GALNTL6: variants seen among roughly 807,000 people sequenced by gnomAD.
GALNTL6 encodes polypeptide N-acetylgalactosaminyltransferase-like 6.
In GALNTL6, 46 loss-of-function variants were observed where a neutral mutation model predicts 73.7. The observed-to-expected ratio is 0.62, with a 90% CI of 0.49 to 0.80. The LOEUF is 0.80. Ranked by LOEUF, GALNTL6 falls within the 30% of genes least tolerant of loss-of-function variation. The pLI is 0.00. For missense variants in GALNTL6, 604 were observed against 755.0 expected (o/e 0.80, Z 2.34); for synonymous variants, 259 against 263.7 (o/e 0.98, Z 0.17).
chr4:171,908,100 C>T lies in GALNTL6; in HGVS notation c.138+93382C>T, dbSNP rs1392515290. Among the ~76,000 whole-genome samples, 6 of 152,272 alleles carry T rather than the reference C, an allele frequency of 3.9e-5. No individual in the cohort carries two copies. The East Asian group carries it at 1.2e-3, about 29-fold the overall frequency. ...ATAGGCATGGGCAAGGACTTCATGT[C>T]TAAAACATCAAAAGCAATGGCAACC... On this transcript the variant is annotated intron_variant, in intron 2 of 12. Coordinates refer to ENST00000506823, the MANE Select transcript of GALNTL6 (RefSeq NM_001034845.3).
At chr4:172,801,455 T>C (rs1044872116) in intron 5 of GALNTL6, among the ~76,000 whole-genome samples, 1 of 152,336 alleles carries the variant, frequency 6.6e-6, no homozygotes. Flanking sequence ...AACTTCTTTA[T>C]GCATGGTGGC....
At chr4:172,080,371 C>T (rs1053099897) in intron 2 of GALNTL6, among the ~76,000 whole-genome samples, 10 of 151,868 alleles carry the variant, frequency 6.6e-5, no homozygotes, top group South Asian at 2.1e-4. Flanking sequence ...TTTGTTGAGA[C>T]GAGGTGTCTG....
At chr4:172,870,127 C>T (rs1744852165) in intron 7 of GALNTL6, among the ~76,000 whole-genome samples, 1 of 152,032 alleles carries the variant, frequency 6.6e-6, no homozygotes, top group South Asian at 2.1e-4. Context: ...TTCCAGTGTA[C>T]CCCTAACTAT....
At chr4:172,216,524 A>G (rs571168574) in intron 2 of GALNTL6, among the ~76,000 whole-genome samples, 31 of 152,142 alleles carry the variant, frequency 2.0e-4, no homozygotes, top group Non-Finnish European at 4.1e-4. Flanking sequence ...TGAATATGAT[A>G]TGCTTAAGTG....
intron 5 of GALNTL6, among the ~76,000 whole-genome samples, chr4:172,573,065 TGTAA>T (rs1736824811): frequency 6.6e-6 from 1 of 152,180 alleles, no homozygotes; most frequent in African/African-American, 2.4e-5. Context: ...TTATAATTAC[TGTAA>T]GTGTTTACCC....
At chr4:172,584,160 A>C (rs1429934534) in intron 5 of GALNTL6, among the ~76,000 whole-genome samples, 1 of 152,124 alleles carries the variant, frequency 6.6e-6, no homozygotes, top group Non-Finnish European at 1.5e-5. Context: ...AGTGCAATAA[A>C]ATGTGAAGGC....
chr4:171,838,979 T>A (rs529306635), intron 2 of GALNTL6, among the ~76,000 whole-genome samples: 1 of 152,272 alleles, frequency 6.6e-6, no homozygotes, highest in East Asian at 1.9e-4. Context: ...GTTTCCCGGT[T>A]TTATACTGAG....
At chr4:172,557,187 G>T (rs1208367693) in intron 5 of GALNTL6, among the ~76,000 whole-genome samples, 1 of 152,138 alleles carries the variant, frequency 6.6e-6, no homozygotes, top group Non-Finnish European at 1.5e-5. Flanking sequence ...TCAAGTTCTG[G>T]TCAAGCAATG....
intron 7 of GALNTL6, among the ~76,000 whole-genome samples, chr4:172,831,157 C>CATAA (rs1742611061): frequency 3.1e-5 from 2 of 63,882 alleles, no homozygotes; most frequent in African/African-American, 1.2e-4. Flanking sequence ...GACTCCCTCT[C>CATAA]AAAAAAAAAA....
intron 8 of GALNTL6, among the ~76,000 whole-genome samples, chr4:172,924,570 A>G (rs1488502338): frequency 1.3e-5 from 2 of 152,244 alleles, no homozygotes; most frequent in Non-Finnish European, 2.9e-5. Flanking sequence ...TGGAAAATAT[A>G]GAGAAGACAA....
chr4:172,549,820 TTCC>T (rs1735892605), intron 5 of GALNTL6, among the ~76,000 whole-genome samples: 2 of 152,196 alleles, frequency 1.3e-5, no homozygotes, highest in Non-Finnish European at 2.9e-5. Context: ...CTTTCTTACC[TTCC>T]ACCCCTAGAC....
chr4:172,546,098 A>G (rs1054248572), intron 5 of GALNTL6, among the ~76,000 whole-genome samples: 9 of 152,204 alleles, frequency 5.9e-5, no homozygotes, highest in Non-Finnish European at 1.2e-4. Flanking sequence ...CCACAACACT[A>G]TGGGGAAAGA....
intron 4 of GALNTL6, among the ~76,000 whole-genome samples, chr4:172,313,396 T>C (rs1240375213): frequency 6.6e-6 from 1 of 152,154 alleles, no homozygotes; most frequent in Non-Finnish European, 1.5e-5. Flanking sequence ...GTGCTGGGAT[T>C]ACAGGCTGAG....
intron 5 of GALNTL6, among the ~76,000 whole-genome samples, chr4:172,576,043 G>A (rs1464676268): frequency 6.6e-6 from 1 of 152,042 alleles, no homozygotes; most frequent in East Asian, 1.9e-4. Flanking sequence ...ATCAGGGAAG[G>A]GGTTTTCTTT....
chr4:172,603,694 T>C (rs1267653757), intron 5 of GALNTL6, among the ~76,000 whole-genome samples: 1 of 152,226 alleles, frequency 6.6e-6, no homozygotes, highest in Non-Finnish European at 1.5e-5. Context: ...AAAACTTTCC[T>C]TCTTTTTCAT....
intron 2 of GALNTL6, among the ~76,000 whole-genome samples, chr4:172,018,513 C>T (rs1741281512): frequency 6.6e-6 from 1 of 151,974 alleles, no homozygotes; most frequent in Non-Finnish European, 1.5e-5. Context: ...TGAAAGGCCT[C>T]ACCCAGCTCC....
At chr4:172,856,875 C>T (rs1347633874) in intron 7 of GALNTL6, among the ~76,000 whole-genome samples, 5 of 152,148 alleles carry the variant, frequency 3.3e-5, no homozygotes, top group African/African-American at 9.7e-5. Context: ...CAGTTAAGTG[C>T]CTGACTCCCC....
intron 5 of GALNTL6, among the ~76,000 whole-genome samples, chr4:172,651,530 A>G (rs1017995661): frequency 3.3e-5 from 5 of 152,218 alleles, no homozygotes; most frequent in Non-Finnish European, 5.9e-5. Flanking sequence ...AAATGCATAA[A>G]AGGAATTCTT....
intron 2 of GALNTL6, among the ~76,000 whole-genome samples, chr4:171,834,389 T>C (rs1735049265): frequency 6.6e-6 from 1 of 151,972 alleles, no homozygotes; most frequent in Non-Finnish European, 1.5e-5. Context: ...GGAGTTTTCC[T>C]TATTACAACA....
Sources: allele counts gnomAD v4.1 joint callset (sites outside exome capture counted in the v4.1 genomes callset), GRCh38; gene constraint gnomAD v4.1.1; transcripts MANE v1.5; gene names NCBI Gene and HGNC (gene_info 2026-07-23, HGNC 2026-07-21).